Variants in DNAH8 observed in about 807,000 individuals in gnomAD.
DNAH8 encodes the protein axonemal beta dynein heavy chain 8.
In DNAH8, 382 loss-of-function variants were observed where a neutral mutation model predicts 562.1. The observed-to-expected ratio is 0.68, with a 90% CI of 0.63 to 0.74. DNAH8 has a LOEUF of 0.74. DNAH8 is among the 30% of genes least tolerant of loss of function. The pLI is 0.00. For missense variants in DNAH8, 5,203 were observed against 5,620.4 expected (o/e 0.93, Z 2.37); for synonymous variants, 1,881 against 1,919.4 (o/e 0.98, Z 0.52).
At chr6:38,809,790 G>A (rs946648021) in intron 24 of DNAH8, among the ~76,000 whole-genome samples, 6 of 151,854 alleles carry the variant, frequency 4.0e-5, no homozygotes, top group South Asian at 2.1e-4. Flanking sequence ...CTTTTGTTTC[G>A]GTCAGTTCTT....
chr6:38,731,063 T>C lies in DNAH8; in HGVS notation c.610+1077T>C, dbSNP rs563045748. Among the ~76,000 whole-genome samples, 6 of 152,332 alleles carry C rather than the reference T, an allele frequency of 3.9e-5. No homozygotes were observed. In the East Asian group the frequency reaches 1.2e-3, roughly 29 times the overall value. ...CTTCTACCTTCCTCTAATTGTTTAATATATGTCTTGTTTCTTCGATAAAAT... is the reference window on the plus strand; with the variant it reads ...CTTCTACCTTCCTCTAATTGTTTAACATATGTCTTGTTTCTTCGATAAAAT... On this transcript the variant is annotated intron_variant, in intron 4 of 92. Transcript: ENST00000327475.
intron 17 of DNAH8, among the ~76,000 whole-genome samples, chr6:38,785,866 T>C (rs1769113581): frequency 6.6e-6 from 1 of 152,228 alleles, no homozygotes; most frequent in Non-Finnish European, 1.5e-5. Flanking sequence ...AAGACTAATT[T>C]TATCTGATGA....
intron 82 of DNAH8, among the ~76,000 whole-genome samples, chr6:38,960,480 C>A (rs1762541509): frequency 6.6e-6 from 1 of 150,780 alleles, no homozygotes; most frequent in South Asian, 2.1e-4. Context: ...ACAGACATTT[C>A]TCAAAATAAG....
At chr6:38,847,039 A>G (rs1775356646) in intron 36 of DNAH8, among the ~76,000 whole-genome samples, 1 of 152,148 alleles carries the variant, frequency 6.6e-6, no homozygotes, top group Non-Finnish European at 1.5e-5. Context: ...CTGACCTAGT[A>G]GTGAGTCATA....
chr6:38,819,017 G>A (rs1036292873), intron 26 of DNAH8, among the ~76,000 whole-genome samples: 1 of 152,186 alleles, frequency 6.6e-6, no homozygotes, highest in Non-Finnish European at 1.5e-5. Flanking sequence ...AGTGCTGCCA[G>A]ATGCCCTGAT....
chr6:38,731,802 C>T (rs1477166683), intron 4 of DNAH8, among the ~76,000 whole-genome samples: 1 of 152,152 alleles, frequency 6.6e-6, no homozygotes, highest in African/African-American at 2.4e-5. Context: ...GCAGCCTCCG[C>T]CTCCCGGGTT....
rs1273911449 is a variant in DNAH8 at position 39,030,271 on chromosome 6, C to T, written c.14003C>T (p.Pro4668Leu). The T allele has an allele frequency of 6.2e-7, 1 of 1,614,134 alleles. No homozygotes were observed. Among genetic ancestry groups the T allele is most frequent in the Non-Finnish European group, 8.5e-7 (1 of 1,180,036 alleles). Residue 4668 changes from proline (P) to leucine (L), a missense_variant, in exon 93 of 93, where the codon CCT becomes CTT. Physicochemically the swap from Pro to Leu is moderately conservative, Grantham distance 98. This residue lies in a region of DNAH8 where 1,399 missense variants were observed against 1,518.4 expected (regional missense o/e 0.92). Coordinates refer to ENST00000327475, the MANE Select transcript of DNAH8 (RefSeq NM_001206927.2). ...AAGGACCCCAAGCTGTATGTGTGTC[C>T]TATTTACAAGAAACCCAGGCGAACT... is the stretch of plus-strand genomic sequence containing the variant. ...APKDPKLYVC[P>L]IYKKPRRTDL... is the part of the protein sequence containing the mutation.
At position 38,870,707 on chromosome 6, in the gene DNAH8, G is replaced by A. The variant is rs62396412; in HGVS notation, c.6990+145G>A. On this transcript the variant is annotated intron_variant, in intron 49 of 92. Transcript: ENST00000327475. ...ATACATCATTGCAAAAAGAATACTTGGAAGGATGTGGTGGTCCTAGGAAGA... is the reference window on the plus strand; with the variant it reads ...ATACATCATTGCAAAAAGAATACTTAGAAGGATGTGGTGGTCCTAGGAAGA... 7.8e-3 allele frequency: 6,544 copies of A among 837,666 alleles called. 39 individuals are homozygous for A. Among genetic ancestry groups the A allele is most frequent in the Non-Finnish European group, 0.01 (5,578 of 547,220 alleles). The allele number at this position is 837,666 out of a possible 1,614,324, so 51.9% of individuals were successfully genotyped here.
intron 72 of DNAH8, 79 bp downstream of exon 72, chr6:38,923,264 C>T: frequency 6.5e-7 from 1 of 1,536,030 alleles, no homozygotes; most frequent in Non-Finnish European, 8.8e-7. Context: ...ATGTGTTCAT[C>T]TCTGAATCCC....
Position 38,875,504 on chromosome 6 carries a change from C to T in DNAH8, c.7621-87C>T, listed in dbSNP as rs62396413. ...ATATATCTATTTTTCTTCTCTCTTC[C>T]TTCCTCCTTTTAATTTTACTATTAT... On this transcript the variant is annotated intron_variant, in intron 52 of 92. Transcript: ENST00000327475. 344,281 of 794,760 alleles carry T rather than the reference C, an allele frequency of 0.43. 79,269 individuals are homozygous for T. The highest frequency in any genetic ancestry group is 0.81 in the East Asian group (28,492 of 34,966). The allele number at this position is 794,760 out of a possible 1,614,324, so 49.2% of individuals were successfully genotyped here. A position where few individuals can be genotyped will look rare whatever the true frequency, so the allele number is the denominator to read the frequency against.
intron 8 of DNAH8, among the ~76,000 whole-genome samples, chr6:38,749,314 T>C (rs915057561): frequency 1.3e-5 from 2 of 150,830 alleles, no homozygotes; most frequent in Non-Finnish European, 3.0e-5. Context: ...TAAGTGGGAG[T>C]TGAACAATGA....
At chr6:38,948,812 A>G (rs1761641509) in intron 80 of DNAH8, among the ~76,000 whole-genome samples, 1 of 152,194 alleles carries the variant, frequency 6.6e-6, no homozygotes, top group Non-Finnish European at 1.5e-5. Context: ...CTTCTGAACA[A>G]TATTTAAGAC....
intron 85 of DNAH8, among the ~76,000 whole-genome samples, chr6:38,977,699 T>A (rs1763764345): frequency 6.6e-6 from 1 of 152,182 alleles, no homozygotes; most frequent in South Asian, 2.1e-4. Context: ...TGAAACTCAA[T>A]CATTACATTT....
intron 73 of DNAH8, among the ~76,000 whole-genome samples, chr6:38,925,348 T>G (rs1283929882): frequency 6.9e-6 from 1 of 145,212 alleles, no homozygotes; most frequent in Non-Finnish European, 1.5e-5. Flanking sequence ...TATTTTATTT[T>G]TTTTAGAGAC....
chr6:38,831,179 C>T (rs1274167063), intron 30 of DNAH8, among the ~76,000 whole-genome samples: 1 of 152,000 alleles, frequency 6.6e-6, no homozygotes, highest in Non-Finnish European at 1.5e-5. Context: ...AATCCCTGCA[C>T]TTTGGGAGGC....
chr6:38,809,279 TCAAA>T (rs1562861754), intron 24 of DNAH8, among the ~76,000 whole-genome samples: 1 of 152,182 alleles, frequency 6.6e-6, no homozygotes, highest in Non-Finnish European at 1.5e-5. Context: ...TTAAAAATAT[TCAAA>T]TTTATCAGTT....
intron 87 of DNAH8, among the ~76,000 whole-genome samples, chr6:38,988,360 C>A (rs948002471): frequency 1.3e-5 from 2 of 152,130 alleles, no homozygotes; most frequent in African/African-American, 4.8e-5. Flanking sequence ...TAGTAAGAAA[C>A]TTCATTTTGG....
chr6:38,724,134 C>T (rs1298512865), intron 3 of DNAH8, among the ~76,000 whole-genome samples: 10 of 152,070 alleles, frequency 6.6e-5, no homozygotes, highest in Middle Eastern at 3.4e-3. Flanking sequence ...CGCACCACCA[C>T]GCCCAGCTAA....
chr6:38,849,675 A>C lies in DNAH8; in HGVS notation c.5200-576A>C, dbSNP rs188663526. Among the ~76,000 whole-genome samples, 16 of 151,256 alleles carry C rather than the reference A, an allele frequency of 1.1e-4. No homozygotes were observed. In the East Asian group the frequency reaches 3.1e-3, roughly 29 times the overall value. On this transcript the variant is annotated intron_variant, in intron 37 of 92. Coordinates refer to ENST00000327475, the MANE Select transcript of DNAH8 (RefSeq NM_001206927.2). ...TTTTGTTTTTTAATCAGAAGTCTGT[A>C]TTTTTAAAAGAGGAAAGATTATGCC... is the stretch of plus-strand genomic sequence containing the variant.
Sources: allele counts gnomAD v4.1 joint callset (sites outside exome capture counted in the v4.1 genomes callset), GRCh38; gene constraint gnomAD v4.1.1; regional missense constraint gnomAD v4.1.1; transcripts MANE v1.5; gene names NCBI Gene and HGNC (gene_info 2026-07-23, HGNC 2026-07-21).